Variants in KLHL7 observed in about 807,000 individuals in gnomAD.
KLHL7 encodes kelch-like protein 7.
KLHL7 carries 44 observed loss-of-function variants against 67.4 expected under a neutral mutation model. The ratio of observed to expected loss-of-function variants is 0.65; its 90% CI spans 0.51 to 0.84. KLHL7 has a LOEUF of 0.84. KLHL7 is among the 40% of genes least tolerant of loss of function. KLHL7 has a pLI of 0.00. For missense variants in KLHL7, 362 were observed against 718.1 expected (o/e 0.50, Z 5.67); for synonymous variants, 252 against 243.3 (o/e 1.04, Z -0.33).
intron 1 of KLHL7, among the ~76,000 whole-genome samples, chr7:23,108,477 A>G (rs1583628553): frequency 6.6e-6 from 1 of 152,208 alleles, no homozygotes; most frequent in Admixed American, 6.5e-5. Context: ...GTATAGCTCA[A>G]TTATTACAAA....
chr7:23,128,422 T>TAA lies in KLHL7; in HGVS notation c.442+3278_442+3279dup, dbSNP rs201757686. The stretch of plus-strand genomic sequence containing the variant: ...AATAAGACTACGACTTCTTTGGGTT[T>TAA]AAAAAAAAAAAAAAAAAAAAAAAAA... On this transcript the variant is annotated intron_variant, in intron 4 of 10. Coordinates refer to ENST00000339077, the MANE Select transcript of KLHL7 (RefSeq NM_001031710.3). 6.1e-3 allele frequency among the ~76,000 whole-genome samples: 715 copies of TAA among 116,696 alleles called. 20 individuals are homozygous for TAA. The highest frequency in any genetic ancestry group is 0.018 in the South Asian group (51 of 2,868). The allele number at this position is 116,696 out of a possible 152,430, so 76.6% of individuals were successfully genotyped here. A position where few individuals can be genotyped will look rare whatever the true frequency, so the allele number is the denominator to read the frequency against.
At chr7:23,168,361 G>A (rs1785062624) in intron 9 of KLHL7, among the ~76,000 whole-genome samples, 1 of 152,156 alleles carries the variant, frequency 6.6e-6, no homozygotes, top group Non-Finnish European at 1.5e-5. Flanking sequence ...TAGAGGAGGA[G>A]GGGGGAGTTT....
intron 1 of KLHL7, among the ~76,000 whole-genome samples, chr7:23,109,209 C>A (rs1289779143): frequency 6.6e-6 from 1 of 152,198 alleles, no homozygotes; most frequent in Non-Finnish European, 1.5e-5. Context: ...TTGATGTTGT[C>A]AGTCTTATCA....
rs529626486 is a variant in KLHL7 at position 23,109,784 on chromosome 7, G to C, written c.120+3638G>C. Among the ~76,000 whole-genome samples the C allele has an allele frequency of 1.2e-4, 18 of 152,324 alleles. No homozygotes were observed. In the East Asian group the frequency reaches 2.5e-3, roughly 21 times the overall value. ...TTATAACTGTTCCAGCCACTCTGCA[G>C]AGTGTTTTACATGCTTTGTCTCATT... On this transcript the variant is annotated intron_variant, in intron 1 of 10. Transcript: ENST00000339077.
intron 1 of KLHL7, chr7:23,106,877 C>A: frequency 1.1e-6 from 1 of 891,552 alleles, no homozygotes; most frequent in Non-Finnish European, 1.3e-6. Context: ...ATAACATCTA[C>A]ACCGATAAGC....
chr7:23,115,391 T>C lies in KLHL7; in HGVS notation c.121-8386T>C, dbSNP rs1372680231. ...ACAATCTTGGCTTTTGGCTTGCCAG[T>C]CTGAATCAGCTTTCTGTAATCTATA... On this transcript the variant is annotated intron_variant, in intron 1 of 10. Coordinates refer to ENST00000339077, the MANE Select transcript of KLHL7 (RefSeq NM_001031710.3). 2.6e-5 allele frequency among the ~76,000 whole-genome samples: 4 copies of C among 152,324 alleles called. No individual in the cohort carries two copies. The South Asian group carries it at 8.3e-4, about 32-fold the overall frequency.
At chr7:23,118,448 T>C (rs1009458197) in intron 1 of KLHL7, among the ~76,000 whole-genome samples, 3 of 152,178 alleles carry the variant, frequency 2.0e-5, no homozygotes, top group African/African-American at 7.2e-5. Flanking sequence ...AACAGTCCTC[T>C]CCTGCCAGAG....
intron 1 of KLHL7, among the ~76,000 whole-genome samples, chr7:23,114,622 A>G (rs868577289): frequency 6.6e-6 from 1 of 152,158 alleles, no homozygotes; most frequent in Non-Finnish European, 1.5e-5. Flanking sequence ...GCTTTGTTCT[A>G]TCTTAAATGC....
At chr7:23,141,173 T>TC (rs1281887627) in intron 5 of KLHL7, among the ~76,000 whole-genome samples, 1 of 152,160 alleles carries the variant, frequency 6.6e-6, no homozygotes, top group Non-Finnish European at 1.5e-5. Flanking sequence ...AACAATGCCT[T>TC]CCCCAAAGAA....
intron 1 of KLHL7, among the ~76,000 whole-genome samples, chr7:23,118,751 T>C (rs1338642155): frequency 1.3e-5 from 2 of 151,206 alleles, no homozygotes; most frequent in East Asian, 3.9e-4. Flanking sequence ...TTTCCTAGAC[T>C]TTTTTTTTAA....
intron 1 of KLHL7, among the ~76,000 whole-genome samples, chr7:23,114,254 TAC>T (rs113194579): frequency 0.022 from 3,368 of 152,286 alleles, 138 homozygotes; most frequent in African/African-American, 0.076. Flanking sequence ...ATGTAGGACA[TAC>T]GACTGTGCAG....
At chr7:23,121,329 A>G (rs1381828659) in intron 1 of KLHL7, among the ~76,000 whole-genome samples, 1 of 152,010 alleles carries the variant, frequency 6.6e-6, no homozygotes, top group Non-Finnish European at 1.5e-5. Flanking sequence ...TTATAATGAT[A>G]TCACTGGAGT....
At chr7:23,122,440 A>G (rs1372618866) in intron 1 of KLHL7, among the ~76,000 whole-genome samples, 2 of 152,088 alleles carry the variant, frequency 1.3e-5, no homozygotes, top group Non-Finnish European at 2.9e-5. Flanking sequence ...TAACTTGGTT[A>G]TGCTACTTGG....
intron 10 of KLHL7, 30 bp downstream of exon 10, chr7:23,173,075 T>C (rs1322757077): frequency 3.3e-6 from 5 of 1,500,642 alleles, no homozygotes; most frequent in South Asian, 1.1e-5. Context: ...TGTTCCACTT[T>C]CCTGATGAGT....
chr7:23,173,684 AAAG>A (rs1404932066), intron 10 of KLHL7, among the ~76,000 whole-genome samples: 1 of 152,216 alleles, frequency 6.6e-6, no homozygotes, highest in Non-Finnish European at 1.5e-5. Context: ...AAAGGAGGAA[AAAG>A]AAGGACATTT....
chr7:23,142,980 C>T (rs766436319), intron 5 of KLHL7, among the ~76,000 whole-genome samples: 1 of 152,130 alleles, frequency 6.6e-6, no homozygotes, highest in Non-Finnish European at 1.5e-5. Flanking sequence ...ACCTTAACAA[C>T]TGGGGCAGGG....
At chr7:23,141,061 T>C in intron 5 of KLHL7, 117 bp downstream of exon 5, 2 of 916,230 alleles carry the variant, frequency 2.2e-6, no homozygotes, top group African/African-American at 1.6e-5. Flanking sequence ...ATATGTTCTT[T>C]ACACTAAACA....
rs1784593807 is a variant in KLHL7, at chr7:23,153,225, G to A, written c.936+1016G>A. Among the ~76,000 whole-genome samples, 7 of 6,634 alleles carry A rather than the reference G, an allele frequency of 1.1e-3. No individual in the cohort carries two copies. The South Asian group carries it at 0.011, about 10-fold the overall frequency. The allele number at this position is 6,634 out of a possible 152,430, so 4.4% of individuals were successfully genotyped here. A position where few individuals can be genotyped will look rare whatever the true frequency, so the allele number is the denominator to read the frequency against. ...CCTTCAAAACAATTCCTGAGGCGGC[G>A]GGGGGGCTACAACGCTTCTGCAGCT... On this transcript the variant is annotated intron_variant, in intron 7 of 10. Coordinates refer to ENST00000339077, the MANE Select transcript of KLHL7 (RefSeq NM_001031710.3).
At chr7:23,137,939 G>A (rs1451916035) in intron 4 of KLHL7, among the ~76,000 whole-genome samples, 1 of 151,684 alleles carries the variant, frequency 6.6e-6, no homozygotes, top group East Asian at 2.0e-4. Context: ...CACTTTGGGA[G>A]GCTGAGCGGG....
Sources: gnomAD v4.1 joint callset for allele counts (sites outside exome capture counted in the v4.1 genomes callset) on GRCh38, gnomAD v4.1.1 for gene constraint, MANE v1.5 for transcripts, NCBI Gene and HGNC (gene_info 2026-07-23, HGNC 2026-07-21) for gene names.